Variants in CSMD1 observed in about 807,000 individuals in gnomAD.
The protein encoded by CSMD1 is CUB and sushi domain-containing protein 1.
A neutral mutation model predicts 417.5 loss-of-function variants in CSMD1; 213 were observed. That is an observed-to-expected ratio of 0.51 (90% confidence interval 0.46 to 0.57). The LOEUF is 0.57. Among genes scored for constraint, CSMD1 ranks in the 20% least tolerant of loss-of-function variants. CSMD1 has a pLI of 0.00. For synonymous variants in CSMD1, 2,862 were observed against 1,736.8 expected, an observed-to-expected ratio of 1.65 and a Z score of -16.11; for missense variants, 6,923 against 4,529.7, an observed-to-expected ratio of 1.53 and a Z score of -15.17.
chr8:4,755,899 T>G (rs1811636566), intron 1 of CSMD1, among the ~76,000 whole-genome samples: 1 of 152,194 alleles, frequency 6.6e-6, no homozygotes. Context: ...TGCTCGGCCT[T>G]CAGTTTTTTC....
chr8:4,363,395 T>TA lies in CSMD1; in HGVS notation c.415+56557dup, dbSNP rs145017728. 3.4e-3 allele frequency among the ~76,000 whole-genome samples: 516 copies of TA among 152,114 alleles called. 26 individuals carry two copies. In the East Asian group the frequency reaches 0.086, roughly 25 times the overall value. Reference sequence around the variant, plus strand: ...GTGCATGCTTTATACGTAAGAGGGATAAAAAAATGTTCTGGCCTCCAGGAT... The same window carrying TA: ...GTGCATGCTTTATACGTAAGAGGGATAAAAAAAATGTTCTGGCCTCCAGGAT... On this transcript the variant is annotated intron_variant, in intron 3 of 69. Coordinates refer to ENST00000635120, the MANE Select transcript of CSMD1 (RefSeq NM_033225.6).
chr8:4,893,073 C>T (rs2117008851), intron 1 of CSMD1, among the ~76,000 whole-genome samples: 1 of 152,184 alleles, frequency 6.6e-6, no homozygotes, highest in African/African-American at 2.4e-5. Flanking sequence ...GTCGATTATC[C>T]CCTCCAGGGC....
At chr8:4,938,746 G>T (rs1201851480) in intron 1 of CSMD1, among the ~76,000 whole-genome samples, 1 of 152,158 alleles carries the variant, frequency 6.6e-6, no homozygotes, top group Admixed American at 6.5e-5. Flanking sequence ...GAATGGGAAG[G>T]TTAAAAAGTG....
At chr8:2,955,486 T>TGGAG (rs1802933166) in intron 64 of CSMD1, 103 bp downstream of exon 64, 1 of 1,117,772 alleles carries the variant, frequency 8.9e-7, no homozygotes, top group Admixed American at 2.3e-5. Flanking sequence ...TGCAGCCTCA[T>TGGAG]GCTCTTACTT....
intron 2 of CSMD1, among the ~76,000 whole-genome samples, chr8:4,443,005 C>G (rs1270348338): frequency 6.6e-6 from 1 of 152,044 alleles, no homozygotes; most frequent in Non-Finnish European, 1.5e-5. Context: ...TTCCATCTCC[C>G]AAAAACACTG....
intron 23 of CSMD1, among the ~76,000 whole-genome samples, chr8:3,317,111 G>C (rs962672622): frequency 6.6e-6 from 1 of 152,118 alleles, no homozygotes; most frequent in Non-Finnish European, 1.5e-5. Flanking sequence ...GGACACCAGA[G>C]AAAAATGCAG....
chr8:3,307,267 C>CAGGAACAGAA (rs1356112734), intron 25 of CSMD1, among the ~76,000 whole-genome samples: 2 of 152,042 alleles, frequency 1.3e-5, no homozygotes, highest in Non-Finnish European at 2.9e-5. Context: ...TAGCCTGCTG[C>CAGGAACAGAA]AGGAACAGAA....
chr8:4,409,750 G>C (rs1394164737), intron 3 of CSMD1, among the ~76,000 whole-genome samples: 1 of 151,400 alleles, frequency 6.6e-6, no homozygotes, highest in Admixed American at 6.6e-5. Context: ...ATTAGCACAG[G>C]GCATAACTGT....
intron 1 of CSMD1, among the ~76,000 whole-genome samples, chr8:4,791,865 T>G (rs982363449): frequency 3.3e-5 from 5 of 152,290 alleles, no homozygotes; most frequent in African/African-American, 1.2e-4. Context: ...AAAAAAAAAT[T>G]TTTTTAGCTT....
intron 5 of CSMD1, among the ~76,000 whole-genome samples, chr8:3,883,496 T>A (rs1258962236): frequency 1.3e-5 from 2 of 152,144 alleles, no homozygotes; most frequent in Non-Finnish European, 2.9e-5. Flanking sequence ...AAATATACCT[T>A]TTCACTGCTC....
chr8:4,460,062 T>C (rs1176203134), intron 2 of CSMD1, among the ~76,000 whole-genome samples: 1 of 152,144 alleles, frequency 6.6e-6, no homozygotes, highest in Non-Finnish European at 1.5e-5. Context: ...TAACAGAATA[T>C]TGTTTTCAAG....
chr8:3,534,096 G>C (rs899847470), intron 10 of CSMD1, among the ~76,000 whole-genome samples: 4 of 152,170 alleles, frequency 2.6e-5, no homozygotes, highest in South Asian at 2.1e-4. Flanking sequence ...TAGTATCTGA[G>C]GCTATGAGAG....
At chr8:3,728,346 A>G (rs1373394847) in intron 6 of CSMD1, among the ~76,000 whole-genome samples, 2 of 152,132 alleles carry the variant, frequency 1.3e-5, no homozygotes, top group Non-Finnish European at 2.9e-5. Context: ...TGGAACTGGG[A>G]GTCCATTAAA....
intron 2 of CSMD1, among the ~76,000 whole-genome samples, chr8:4,440,829 C>G (rs1798425353): frequency 6.6e-6 from 1 of 151,846 alleles, no homozygotes; most frequent in East Asian, 1.9e-4. Context: ...AACCTCCTCT[C>G]TACTGAAAAT....
intron 3 of CSMD1, among the ~76,000 whole-genome samples, chr8:4,191,540 C>G (rs1352452791): frequency 6.6e-6 from 1 of 152,142 alleles, no homozygotes. Flanking sequence ...TGTGTCTCAT[C>G]TGAACTACAA....
intron 1 of CSMD1, among the ~76,000 whole-genome samples, chr8:4,715,154 C>T (rs1808572883): frequency 6.6e-6 from 1 of 152,108 alleles, no homozygotes; most frequent in African/African-American, 2.4e-5. Flanking sequence ...TATAAACTAA[C>T]TATGCTTTAG....
intron 3 of CSMD1, among the ~76,000 whole-genome samples, chr8:4,248,568 ACT>A (rs773279826): frequency 4.6e-5 from 7 of 152,096 alleles, no homozygotes; most frequent in Non-Finnish European, 7.4e-5. Context: ...TCTTTGGCTA[ACT>A]CTCTCACCTC....
In CSMD1 at chr8:3,822,408, C is replaced by T. The variant is rs1157358187; in HGVS notation, c.819-68366G>A. Among the ~76,000 whole-genome samples the T allele has an allele frequency of 2.0e-5, 3 of 152,096 alleles. No individual in the cohort carries two copies. The East Asian group carries it at 5.8e-4, about 29-fold the overall frequency. On this transcript the variant is annotated intron_variant, in intron 5 of 69. Coordinates refer to ENST00000635120, the MANE Select transcript of CSMD1 (RefSeq NM_033225.6). ...GTAAAAAAGAGTCTGAAACCTTGGGCATTTTTTAGGTTGAATATCTAGAAA... is the reference window on the plus strand; with the variant it reads ...GTAAAAAAGAGTCTGAAACCTTGGGTATTTTTTAGGTTGAATATCTAGAAA...
chr8:4,160,493 C>A (rs985422772), intron 3 of CSMD1, among the ~76,000 whole-genome samples: 2 of 152,096 alleles, frequency 1.3e-5, no homozygotes, highest in East Asian at 1.9e-4. Context: ...GTCCGAACAT[C>A]GGTTGAAAGT....
Sources: allele counts gnomAD v4.1 joint callset (sites outside exome capture counted in the v4.1 genomes callset), GRCh38; gene constraint gnomAD v4.1.1; transcripts MANE v1.5; gene names NCBI Gene and HGNC (gene_info 2026-07-23, HGNC 2026-07-21).